Variants in NRXN3 observed in about 807,000 individuals in gnomAD.
NRXN3 encodes the protein neurexin 3.
NRXN3 carries 32 observed loss-of-function variants against 137.6 expected under a neutral mutation model. The ratio of observed to expected loss-of-function variants is 0.23; its 90% CI spans 0.18 to 0.31. The LOEUF is 0.31. NRXN3 is among the 10% of genes least tolerant of loss of function. The pLI, the probability that NRXN3 is intolerant of heterozygous loss-of-function variation, is 1.00. For missense variants in NRXN3, 1,574 were observed against 2,062.5 expected, an observed-to-expected ratio of 0.76 and a Z score of 4.59; for synonymous variants, 798 against 784.5, an observed-to-expected ratio of 1.02 and a Z score of -0.29.
At chr14:79,582,936 G>C (rs551555053) in intron 16 of NRXN3, among the ~76,000 whole-genome samples, 1 of 152,244 alleles carries the variant, frequency 6.6e-6, no homozygotes, top group East Asian at 1.9e-4. Context: ...GATAGTAAAC[G>C]TCCTGACAAG....
intron 15 of NRXN3, among the ~76,000 whole-genome samples, chr14:79,250,107 A>T (rs1208934449): frequency 6.6e-6 from 1 of 152,228 alleles, no homozygotes; most frequent in Non-Finnish European, 1.5e-5. Flanking sequence ...TGCAAACATA[A>T]ACAGAAATTT....
chr14:78,601,578 A>G (rs1250948644), intron 4 of NRXN3, among the ~76,000 whole-genome samples: 5 of 151,522 alleles, frequency 3.3e-5, no homozygotes, highest in African/African-American at 1.2e-4. Context: ...TCAGCCTCCC[A>G]AGTAGCTGGG....
chr14:79,733,466 G>A (rs1041517433), intron 19 of NRXN3, among the ~76,000 whole-genome samples: 30 of 152,042 alleles, frequency 2.0e-4, no homozygotes, highest in African/African-American at 7.0e-4. Context: ...AAGAGAAAAC[G>A]TGCCGCTAAA....
intron 4 of NRXN3, among the ~76,000 whole-genome samples, chr14:78,408,268 T>C (rs2092618275): frequency 6.6e-6 from 1 of 152,206 alleles, no homozygotes; most frequent in Non-Finnish European, 1.5e-5. Context: ...AAACCTGATC[T>C]AAGCCTATGC....
At chr14:79,565,267 G>GTGTGTGTATACACATATACACA (rs1316324499) in intron 16 of NRXN3, among the ~76,000 whole-genome samples, 317 of 10,128 alleles carry the variant, frequency 0.031, 3 homozygotes, top group African/African-American at 0.21. Flanking sequence ...ATATACACAT[G>GTGTGTGTATACACATATACACA]TGTGTGTGTA....
In NRXN3 at chr14:78,205,422, C is replaced by T. The variant is rs546790585; in HGVS notation, c.-704+34748C>T. ...TTTTCAGATTGGCTGAGACGATGCA[C>T]GGCACACTTGGATGTTGTTGAAGTA... On this transcript the variant is annotated intron_variant, in intron 1 of 20. Transcript: ENST00000335750. Among the ~76,000 whole-genome samples the T allele has an allele frequency of 1.2e-4, 19 of 152,304 alleles. No individual in the cohort carries two copies. The South Asian group carries it at 2.3e-3, about 18-fold the overall frequency.
rs2063214697 is a variant in NRXN3 at position 78,215,807 on chromosome 14, C to T, written c.-703-26584C>T. Among the ~76,000 whole-genome samples, 3 of 150,966 alleles carry T rather than the reference C, an allele frequency of 2.0e-5. No homozygotes were observed. The South Asian group carries it at 6.4e-4, about 32-fold the overall frequency. Reference sequence around the variant, plus strand: ...GGGGTTAGTTTGTGCACCTAGGTGGCCACTCTTTGGATCTCCCACATCTGT... The same window carrying T: ...GGGGTTAGTTTGTGCACCTAGGTGGTCACTCTTTGGATCTCCCACATCTGT... On this transcript the variant is annotated intron_variant, in intron 1 of 20. Coordinates refer to ENST00000335750, the MANE Select transcript of NRXN3 (RefSeq NM_001330195.2).
intron 16 of NRXN3, among the ~76,000 whole-genome samples, chr14:79,469,720 A>G (rs948752233): frequency 1.3e-5 from 2 of 152,170 alleles, no homozygotes; most frequent in African/African-American, 4.8e-5. Context: ...AAAAAAGGAA[A>G]AAAGGATCCT....
chr14:79,574,801 C>T (rs2097649518), intron 16 of NRXN3, among the ~76,000 whole-genome samples: 1 of 151,948 alleles, frequency 6.6e-6, no homozygotes, highest in African/African-American at 2.4e-5. Context: ...ATTTTAAAGC[C>T]ACAACAAGGC....
At chr14:79,084,679 A>G (rs957866035) in intron 15 of NRXN3, among the ~76,000 whole-genome samples, 6 of 152,144 alleles carry the variant, frequency 3.9e-5, no homozygotes, top group African/African-American at 1.4e-4. Context: ...TGTACCTTCT[A>G]ATAGGTCAAA....
At chr14:78,305,151 C>T (rs771008504) in intron 4 of NRXN3, among the ~76,000 whole-genome samples, 1 of 152,116 alleles carries the variant, frequency 6.6e-6, no homozygotes, top group Non-Finnish European at 1.5e-5. Flanking sequence ...GCACTACCTT[C>T]GGAGAGGCTG....
intron 8 of NRXN3, among the ~76,000 whole-genome samples, chr14:78,722,658 G>A (rs2098465388): frequency 6.6e-6 from 1 of 152,296 alleles, no homozygotes; most frequent in Admixed American, 6.5e-5. Flanking sequence ...CATCCACTCT[G>A]CAGACTGCAT....
chr14:78,888,663 A>G (rs2099150361), intron 10 of NRXN3, among the ~76,000 whole-genome samples: 1 of 151,988 alleles, frequency 6.6e-6, no homozygotes, highest in Non-Finnish European at 1.5e-5. Context: ...CACAAAGTTT[A>G]TTCAAAGTTA....
chr14:79,097,855 C>T (rs573957381), intron 15 of NRXN3, among the ~76,000 whole-genome samples: 1 of 152,198 alleles, frequency 6.6e-6, no homozygotes, highest in Non-Finnish European at 1.5e-5. Flanking sequence ...AAATGCTGTG[C>T]AAAATCCCCA....
intron 6 of NRXN3, among the ~76,000 whole-genome samples, chr14:78,700,708 T>C (rs1317118601): frequency 6.6e-6 from 1 of 152,196 alleles, no homozygotes; most frequent in African/African-American, 2.4e-5. Context: ...AAGCCTGTGA[T>C]AGACTGTGAT....
intron 10 of NRXN3, among the ~76,000 whole-genome samples, chr14:78,901,096 A>AT (rs974457970): frequency 6.6e-6 from 1 of 151,780 alleles, no homozygotes; most frequent in Non-Finnish European, 1.5e-5. Context: ...ACATAAAAAT[A>AT]TTTTTTTCTA....
chr14:79,841,605 G>A (rs926051179), intron 20 of NRXN3, among the ~76,000 whole-genome samples: 3 of 152,166 alleles, frequency 2.0e-5, no homozygotes, highest in Non-Finnish European at 4.4e-5. Flanking sequence ...AACCAAGCAT[G>A]CTTTCACTGC....
intron 4 of NRXN3, among the ~76,000 whole-genome samples, chr14:78,434,405 T>A (rs1204621691): frequency 6.6e-6 from 1 of 152,134 alleles, no homozygotes; most frequent in African/African-American, 2.4e-5. Context: ...GGACATCTAG[T>A]CATATTGGAT....
At chr14:78,360,754 T>G (rs755519245) in intron 4 of NRXN3, among the ~76,000 whole-genome samples, 4 of 152,236 alleles carry the variant, frequency 2.6e-5, no homozygotes, top group Non-Finnish European at 5.9e-5. Context: ...TTCTTTCTAT[T>G]CTATTCAAAG....
Sources: allele counts gnomAD v4.1 joint callset (sites outside exome capture counted in the v4.1 genomes callset), GRCh38; gene constraint gnomAD v4.1.1; transcripts MANE v1.5; gene names NCBI Gene and HGNC (gene_info 2026-07-23, HGNC 2026-07-21).